Variants in CSMD2 observed in about 807,000 individuals in gnomAD.
CSMD2 encodes CUB and Sushi multiple domains 2.
Under a neutral mutation model 398.5 loss-of-function variants are expected in CSMD2, and 130 were observed. That is an observed-to-expected ratio of 0.33 (90% CI 0.28 to 0.38). CSMD2 has a LOEUF of 0.38. CSMD2 is among the 10% of genes least tolerant of loss of function. The pLI is 1.00. For synonymous variants in CSMD2, 1,828 were observed against 1,908.5 expected (o/e 0.96, Z 1.10); for missense variants, 3,829 against 4,764.9 (o/e 0.80, Z 5.78).
chr1:33,684,744 A>T (rs1259437801), intron 25 of CSMD2, among the ~76,000 whole-genome samples: 1 of 152,104 alleles, frequency 6.6e-6, no homozygotes. Flanking sequence ...CTGCATGGTG[A>T]GCTCCTACTG....
chr1:33,731,036 G>A (rs1221766781), intron 15 of CSMD2, among the ~76,000 whole-genome samples: 1 of 152,120 alleles, frequency 6.6e-6, no homozygotes. Flanking sequence ...GATGATGTTA[G>A]GCCAACTTCA....
At chr1:33,741,479 T>A (rs1647065682) in intron 14 of CSMD2, among the ~76,000 whole-genome samples, 1 of 152,198 alleles carries the variant, frequency 6.6e-6, no homozygotes. Context: ...AGGTCTAGGA[T>A]GCGGCCCAGA....
intron 22 of CSMD2, among the ~76,000 whole-genome samples, chr1:33,707,540 C>T (rs1220524671): frequency 6.6e-6 from 1 of 152,196 alleles, no homozygotes; most frequent in Non-Finnish European, 1.5e-5. Flanking sequence ...GGTTGGAAAG[C>T]AGAGCTTAAG....
intron 2 of CSMD2, among the ~76,000 whole-genome samples, chr1:34,053,099 C>CA (rs140385274): frequency 0.015 from 2,250 of 152,290 alleles, 71 homozygotes; most frequent in African/African-American, 0.052. Flanking sequence ...CTAATCAGAA[C>CA]ATGCTCATTT....
intron 9 of CSMD2, among the ~76,000 whole-genome samples, chr1:33,817,423 A>G (rs4653352): frequency 0.11 from 16,463 of 152,238 alleles, 1,194 homozygotes; most frequent in East Asian, 0.28. Context: ...CTTGTTCACA[A>G]ATGAAGGCCT....
intron 13 of CSMD2, among the ~76,000 whole-genome samples, chr1:33,771,445 G>C (rs1296600471): frequency 6.6e-6 from 1 of 152,144 alleles, no homozygotes; most frequent in Non-Finnish European, 1.5e-5. Flanking sequence ...ATAAGGGTGA[G>C]TTGTTCAATG....
At chr1:33,936,082 A>G (rs1644472477) in intron 3 of CSMD2, 128 bp from the exon 4 acceptor site, 3 of 709,652 alleles carry the variant, frequency 4.2e-6, no homozygotes, top group Non-Finnish European at 6.9e-6. Context: ...TTCTGTGAAC[A>G]GCATTGCCCA....
At chr1:33,892,133 A>G (rs190771545) in intron 5 of CSMD2, among the ~76,000 whole-genome samples, 242 of 151,670 alleles carry the variant, frequency 1.6e-3, no homozygotes, top group African/African-American at 5.7e-3. Context: ...ACAAATATGT[A>G]TATTTGTGAC....
Position 33,641,677 on chromosome 1 carries a change from A to G in CSMD2, c.4774+4971T>C, listed in dbSNP as rs79566460. Among the ~76,000 whole-genome samples the G allele has an allele frequency of 2.0e-5, 3 of 152,332 alleles. No homozygotes were observed. In the East Asian group the frequency reaches 5.8e-4, roughly 29 times the overall value. ...TCTGCCCAGAGATGACTAAGACACT[A>G]CAGTCACCCTTCAGAAGCAACTGAA... On this transcript the variant is annotated intron_variant, in intron 29 of 70. Coordinates refer to ENST00000373381, the MANE Select transcript of CSMD2 (RefSeq NM_001281956.2).
At chr1:33,675,439 A>G (rs1216108487) in intron 25 of CSMD2, among the ~76,000 whole-genome samples, 1 of 152,198 alleles carries the variant, frequency 6.6e-6, no homozygotes, top group Non-Finnish European at 1.5e-5. Context: ...TAGACCAATA[A>G]CAGGCTCTGA....
At chr1:34,038,142 C>T (rs1651385011) in intron 2 of CSMD2, among the ~76,000 whole-genome samples, 2 of 152,166 alleles carry the variant, frequency 1.3e-5, no homozygotes, top group African/African-American at 4.8e-5. Flanking sequence ...CGATTTTAGA[C>T]ACGCTGAAGA....
intron 3 of CSMD2, among the ~76,000 whole-genome samples, chr1:33,955,104 G>A (rs1489226648): frequency 6.6e-6 from 1 of 152,168 alleles, no homozygotes; most frequent in African/African-American, 2.4e-5. Context: ...CGAGTAGAAC[G>A]GGCTGCTGGG....
chr1:33,705,363 TTCTG>T (rs1360228843), intron 22 of CSMD2, among the ~76,000 whole-genome samples: 6 of 152,176 alleles, frequency 3.9e-5, no homozygotes, highest in Admixed American at 6.5e-5. Flanking sequence ...CCCTTAATTC[TTCTG>T]TCTAATTGAT....
At chr1:34,129,186 G>T (rs530033204) in intron 1 of CSMD2, among the ~76,000 whole-genome samples, 2 of 152,302 alleles carry the variant, frequency 1.3e-5, no homozygotes, top group South Asian at 4.2e-4. Flanking sequence ...AAAGGTCTGG[G>T]TGTCCCTTCC....
chr1:33,624,403 C>T lies in CSMD2; in HGVS notation c.5625+116G>A. The T allele has an allele frequency of 2.9e-6, 4 of 1,357,888 alleles. No individual in the cohort carries two copies. The highest frequency in any genetic ancestry group is 3.0e-6 in the Non-Finnish European group (3 of 986,568). 84.1% of individuals were successfully genotyped at this position (1,357,888 alleles called of 1,614,324 possible). On this transcript the variant is annotated intron_variant, in intron 35 of 70. Coordinates refer to ENST00000373381, the MANE Select transcript of CSMD2 (RefSeq NM_001281956.2). The surrounding 1 kb of genome is among the most constrained non-coding windows in gnomAD (Gnocchi z 4.7). The stretch of plus-strand genomic sequence containing the variant: ...CAGGTACAGGGCTGATATGTCTCTT[C>T]CTGGCTCACCCTGACTCAGGCCTTG...
chr1:33,825,668 G>A (rs185230670), intron 7 of CSMD2, 29 bp downstream of exon 7: 18 of 1,608,036 alleles, frequency 1.1e-5, no homozygotes, highest in African/African-American at 2.7e-5. Flanking sequence ...CAAGAGGCCC[G>A]GCAGGCGGGC....
chr1:33,820,565 CAAAAAAAAAAA>C lies in CSMD2; in HGVS notation c.1112-20_1112-10del. 4 of 442,148 alleles carry C rather than the reference CAAAAAAAAAAA, an allele frequency of 9.0e-6. No individual in the cohort carries two copies. The highest frequency in any genetic ancestry group is 1.5e-5 in the Non-Finnish European group (4 of 269,002). 27.4% of individuals were successfully genotyped at this position (442,148 alleles called of 1,614,324 possible). A position where few individuals can be genotyped will look rare whatever the true frequency, so the allele number is the denominator to read the frequency against. On this transcript the variant is annotated splice_polypyrimidine_tract_variant and intron_variant, in intron 7 of 70. Transcript: ENST00000373381. ...CACACCAACCTGAGTTACTACAAGG[CAAAAAAAAAAA>C]AAAAAAAAAAAACAGCACACACAGA... is the stretch of plus-strand genomic sequence containing the variant.
intron 41 of CSMD2, chr1:33,605,714 G>T: frequency 1.3e-6 from 1 of 763,046 alleles, no homozygotes; most frequent in South Asian, 1.7e-5. Context: ...GGCACATGGT[G>T]AAAGCTCAGT....
At position 33,663,036 on chromosome 1, in the gene CSMD2, TC is replaced by T; in HGVS notation, c.4108del (p.Asp1370MetfsTer10). 6.2e-7 allele frequency: 1 copy of T among 1,614,174 alleles called. No homozygotes were observed. The highest frequency in any genetic ancestry group is 8.5e-7 in the Non-Finnish European group (1 of 1,180,030). On this transcript the variant is annotated frameshift_variant, in exon 26 of 71. Coordinates refer to ENST00000373381, the MANE Select transcript of CSMD2 (RefSeq NM_001281956.2). LOFTEE classifies it high-confidence loss of function. ...EEVHDVLRIW[D>X]GPVESGVLLK... ...CAGAACCCCGCTCTCCACAGGCCCA[TC>T]CCAGATGCGCAGCACGTCGTGAACC...
Sources: allele counts gnomAD v4.1 joint callset (sites outside exome capture counted in the v4.1 genomes callset), GRCh38; gene constraint gnomAD v4.1.1; non-coding constraint Gnocchi (gnomAD v3.1); transcripts MANE v1.5; gene names NCBI Gene and HGNC (gene_info 2026-07-23, HGNC 2026-07-21).